GOSR2: variants seen among roughly 807,000 people sequenced by gnomAD.
The protein encoded by GOSR2 is 27 kDa Golgi SNARE protein.
GOSR2 carries 20 observed loss-of-function variants against 27.9 expected under a neutral mutation model. That is an observed-to-expected ratio of 0.72 (90% CI 0.50 to 1.04). The LOEUF (loss-of-function observed/expected upper bound fraction) is 1.04, where lower values mean the gene tolerates loss of function less well. Among genes scored for constraint, GOSR2 ranks in the 50% least tolerant of loss-of-function variants. The pLI is 0.00. For synonymous variants in GOSR2, 91 were observed against 98.8 expected (o/e 0.92, Z 0.47); for missense variants, 261 against 270.5 (o/e 0.97, Z 0.25).
At chr17:46,954,433 C>T (rs1273278778) in intron 6 of GOSR2, among the ~76,000 whole-genome samples, 1 of 152,206 alleles carries the variant, frequency 6.6e-6, no homozygotes, top group Non-Finnish European at 1.5e-5. Context: ...GTTTTAGTTA[C>T]TGTAGCGTTG....
At position 46,939,898 on chromosome 17, in the gene GOSR2, A is replaced by G. The variant is rs2147071965; in HGVS notation, c.*1138A>G. The G allele has an allele frequency of 1.0e-6, 1 of 993,126 alleles. No homozygotes were observed. Among genetic ancestry groups the G allele is most frequent in the African/African-American group, 1.7e-5 (1 of 57,424 alleles). The allele number at this position is 993,126 out of a possible 1,614,324, so 61.5% of individuals were successfully genotyped here. ...TGGTGAATCACTGAAAGTCTCAGAAAGACCTGGTTAGTGTATGTTCTCATT... is the reference window on the plus strand; with the variant it reads ...TGGTGAATCACTGAAAGTCTCAGAAGGACCTGGTTAGTGTATGTTCTCATT... On this transcript the variant is annotated 3_prime_UTR_variant, in exon 6 of 6. Coordinates refer to ENST00000640051, the MANE Select transcript of GOSR2 (RefSeq NM_004287.5).
chr17:46,923,720 A>G, intron 1 of GOSR2: 1 of 470,246 alleles, frequency 2.1e-6, no homozygotes, highest in Non-Finnish European at 3.4e-6. Flanking sequence ...TCCACGTAGC[A>G]TTCACTATTA....
At chr17:46,957,871 G>A (rs1224189453) in intron 6 of GOSR2, among the ~76,000 whole-genome samples, 2 of 152,076 alleles carry the variant, frequency 1.3e-5, no homozygotes, top group African/African-American at 4.8e-5. Context: ...GAGCACTCAG[G>A]GGAAACGGAG....
At chr17:46,934,980 G>A (rs754400864) in intron 4 of GOSR2, 49 bp from the exon 5 acceptor site, 4 of 1,575,122 alleles carry the variant, frequency 2.5e-6, no homozygotes, top group Non-Finnish European at 3.5e-6. Flanking sequence ...GAGACCCCAG[G>A]AACTGACTGA....
intron 1 of GOSR2, 50 bp from the exon 2 acceptor site, chr17:46,929,470 C>T (rs748057336): frequency 1.2e-5 from 11 of 909,582 alleles, no homozygotes; most frequent in South Asian, 2.6e-5. Context: ...CTGACTGAAG[C>T]GCTGTTGATT....
Position 46,935,722 on chromosome 17 carries a change from C to G in GOSR2, c.477+553C>G, listed in dbSNP as rs78923900. The G allele has an allele frequency of 5.5e-4, 547 of 988,858 alleles. 3 individuals carry two copies. In the African/African-American group the frequency reaches 8.4e-3, roughly 15 times the overall value. The allele number at this position is 988,858 out of a possible 1,614,324, so 61.3% of individuals were successfully genotyped here. A position where few individuals can be genotyped will look rare whatever the true frequency, so the allele number is the denominator to read the frequency against. On this transcript the variant is annotated intron_variant, in intron 5 of 5. Transcript: ENST00000640051. ...CTGGTGATCCCAGCGACTCTTCACTCCCTAGCCTTAGGTATTCCTAGAAGC... is the reference window on the plus strand; with the variant it reads ...CTGGTGATCCCAGCGACTCTTCACTGCCTAGCCTTAGGTATTCCTAGAAGC...
At chr17:46,966,794 A>G in exon 7 of GOSR2, 1 of 428,518 alleles carries the variant, frequency 2.3e-6, no homozygotes. Flanking sequence ...GAATTATTTG[A>G]TGTGGCCGAT....
At chr17:46,950,903 C>T (rs1043463490) in intron 6 of GOSR2, among the ~76,000 whole-genome samples, 3 of 152,184 alleles carry the variant, frequency 2.0e-5, no homozygotes, top group Admixed American at 6.5e-5. Flanking sequence ...GTGACCCAGT[C>T]GGTGATGAGA....
At chr17:46,950,922 G>T (rs1244330598) in intron 6 of GOSR2, among the ~76,000 whole-genome samples, 1 of 152,216 alleles carries the variant, frequency 6.6e-6, no homozygotes, top group Non-Finnish European at 1.5e-5. Flanking sequence ...GAGATCTGGA[G>T]TCAGAGGGGG....
exon 7 of GOSR2, chr17:46,966,849 A>G (rs1169066982): frequency 2.4e-6 from 1 of 413,950 alleles, no homozygotes; most frequent in Non-Finnish European, 4.3e-6. Context: ...CATTCCTGGC[A>G]TGTGAAGAGC....
At chr17:46,943,336 C>T (rs1026735452), downstream of GOSR2, among the ~76,000 whole-genome samples, 14 of 152,184 alleles carry the variant, frequency 9.2e-5, no homozygotes, top group South Asian at 2.1e-4. Flanking sequence ...GCCAGCTCTT[C>T]GCTGCCCCTG....
chr17:46,952,592 A>C (rs1055130661), intron 6 of GOSR2: 2 of 152,224 alleles, frequency 1.3e-5, no homozygotes, highest in Non-Finnish European at 2.9e-5. Flanking sequence ...CAAAAGGAAC[A>C]TGGCTCCTTT....
downstream of GOSR2, among the ~76,000 whole-genome samples, chr17:46,943,268 T>C (rs1005274783): frequency 2.1e-4 from 32 of 152,154 alleles, no homozygotes; most frequent in African/African-American, 7.5e-4. Context: ...CTTGTGGCCA[T>C]TGGGTGCCCC....
intron 6 of GOSR2, among the ~76,000 whole-genome samples, chr17:46,956,201 G>A (rs1683627812): frequency 6.6e-6 from 1 of 151,308 alleles, no homozygotes; most frequent in South Asian, 2.1e-4. Context: ...ACACTTGCAA[G>A]GGTTTAACTC....
At chr17:46,935,980 A>C (rs1224354928) in intron 5 of GOSR2, 2 of 985,780 alleles carry the variant, frequency 2.0e-6, no homozygotes, top group African/African-American at 3.5e-5. Flanking sequence ...GCTTTATCTT[A>C]GTTTTTGTTG....
rs1599069384 is a variant in GOSR2, at chr17:46,940,283, C to A, written c.*1523C>A. 1.7e-5 allele frequency: 24 copies of A among 1,435,676 alleles called. No individual in the cohort carries two copies. In the East Asian group the frequency reaches 5.0e-4, roughly 30 times the overall value. The allele number at this position is 1,435,676 out of a possible 1,614,324, so 88.9% of individuals were successfully genotyped here. ...GGAGGAGATCTCCATTGTTCCTACCCCTCCGGGCCAAATGGGCCCCAGGTT... is the reference window on the plus strand; with the variant it reads ...GGAGGAGATCTCCATTGTTCCTACCACTCCGGGCCAAATGGGCCCCAGGTT... On this transcript the variant is annotated 3_prime_UTR_variant, in exon 6 of 6. Coordinates refer to ENST00000640051, the MANE Select transcript of GOSR2 (RefSeq NM_004287.5).
In GOSR2 at chr17:46,940,980, C is replaced by T; in HGVS notation, c.*2220C>T. ...CCACCGCCTCAGTGTAGGGAAGGGT[C>T]CAGGCCAGGGAAGGAGCACCCTCTA... On this transcript the variant is annotated 3_prime_UTR_variant, in exon 6 of 6. Coordinates refer to ENST00000640051, the MANE Select transcript of GOSR2 (RefSeq NM_004287.5). 1 of 1,192,880 alleles carries T rather than the reference C, an allele frequency of 8.4e-7. No individual in the cohort carries two copies. The highest frequency in any genetic ancestry group is 1.8e-5 in the South Asian group (1 of 56,038). 73.9% of individuals were successfully genotyped at this position (1,192,880 alleles called of 1,614,324 possible).
intron 1 of GOSR2, among the ~76,000 whole-genome samples, chr17:46,927,760 T>C (rs546491910): frequency 2.7e-3 from 404 of 152,328 alleles, no homozygotes; most frequent in African/African-American, 9.5e-3. Flanking sequence ...GTTTCCATTG[T>C]TACTGCTTTG....
chr17:46,953,126 C>G (rs2090483611), intron 6 of GOSR2, among the ~76,000 whole-genome samples: 1 of 151,676 alleles, frequency 6.6e-6, no homozygotes, highest in Admixed American at 6.6e-5. Flanking sequence ...ATACATGTGC[C>G]ATGTTGGTGT....
Sources: allele counts gnomAD v4.1 joint callset (sites outside exome capture counted in the v4.1 genomes callset), GRCh38; gene constraint gnomAD v4.1.1; transcripts MANE v1.5; gene names NCBI Gene and HGNC (gene_info 2026-07-23, HGNC 2026-07-21).